Variants in CAMTA1 observed in about 807,000 individuals in gnomAD.
The protein encoded by CAMTA1 is calmodulin binding transcription activator 1.
A neutral mutation model predicts 170.9 loss-of-function variants in CAMTA1; 27 were observed. That is an observed-to-expected ratio of 0.16 (90% CI 0.12 to 0.22). The LOEUF is 0.22. Among genes scored for constraint, CAMTA1 ranks in the 10% least tolerant of loss-of-function variants. The pLI, the probability that CAMTA1 is intolerant of heterozygous loss-of-function variation, is 1.00. For missense variants in CAMTA1, 1,619 were observed against 2,217.2 expected, an observed-to-expected ratio of 0.73 and a Z score of 5.42; for synonymous variants, 833 against 891.5, an observed-to-expected ratio of 0.93 and a Z score of 1.17.
In CAMTA1 at chr1:7,449,084, C is replaced by T. The variant is rs114138089; in HGVS notation, c.439-18746C>T. On this transcript the variant is annotated intron_variant, in intron 5 of 22. Coordinates refer to ENST00000303635, the MANE Select transcript of CAMTA1 (RefSeq NM_015215.4). The stretch of plus-strand genomic sequence containing the variant: ...CTGGGCAGCTGCTGGGGGCCACTGC[C>T]GAGCAGGAAGGGTGGCTGGCGGTTT... Among the ~76,000 whole-genome samples the T allele has an allele frequency of 2.0e-4, 31 of 152,324 alleles. No homozygotes were observed. In the East Asian group the frequency reaches 2.7e-3, roughly 13 times the overall value.
At chr1:7,260,571 T>C (rs1010535943) in intron 5 of CAMTA1, among the ~76,000 whole-genome samples, 1 of 152,190 alleles carries the variant, frequency 6.6e-6, no homozygotes, top group African/African-American at 2.4e-5. Flanking sequence ...TGTTCTCCTG[T>C]CTAGTGGGGA....
rs2150129254 is a variant in CAMTA1 at position 7,544,662 on chromosome 1, T to C, written c.510+76761T>C. Among the ~76,000 whole-genome samples the C allele has an allele frequency of 1.3e-5, 2 of 152,228 alleles. 1 individual carries two copies. Among genetic ancestry groups the C allele is most frequent in the South Asian group, 4.1e-4 (2 of 4,822 alleles). On this transcript the variant is annotated intron_variant, in intron 6 of 22. Transcript: ENST00000303635. ...TAACATAACACCTGAGGCTGGGTAA[T>C]GTAGAAAGAAAAGGGGTTTACTTGG...
At chr1:7,525,420 A>G (rs1229282039) in intron 6 of CAMTA1, among the ~76,000 whole-genome samples, 3 of 152,002 alleles carry the variant, frequency 2.0e-5, no homozygotes, top group Non-Finnish European at 4.4e-5. Flanking sequence ...CATCCGCAGG[A>G]TGGTACGCTA....
chr1:6,835,182 G>A (rs1209942459), intron 3 of CAMTA1, among the ~76,000 whole-genome samples: 1 of 152,200 alleles, frequency 6.6e-6, no homozygotes, highest in African/African-American at 2.4e-5. Flanking sequence ...AACTTAATAT[G>A]CTATTTCCTG....
chr1:7,521,482 G>GTT (rs762746171), intron 6 of CAMTA1, among the ~76,000 whole-genome samples: 1 of 151,534 alleles, frequency 6.6e-6, no homozygotes, highest in African/African-American at 2.4e-5. Context: ...GTGTGTGTGT[G>GTT]TTTCATTCTC....
intron 1 of CAMTA1, among the ~76,000 whole-genome samples, chr1:6,786,206 C>G (rs955233808): frequency 2.0e-5 from 3 of 152,028 alleles, no homozygotes; most frequent in African/African-American, 7.2e-5. Flanking sequence ...GGACCCCGTC[C>G]TGCCGAGCGT....
At chr1:7,114,197 A>G (rs1644224764) in intron 4 of CAMTA1, among the ~76,000 whole-genome samples, 1 of 152,174 alleles carries the variant, frequency 6.6e-6, no homozygotes. Context: ...TGGGGGCCTC[A>G]GACACCCAGA....
At chr1:7,667,708 G>A (rs559329059) in intron 9 of CAMTA1, among the ~76,000 whole-genome samples, 20 of 152,300 alleles carry the variant, frequency 1.3e-4, no homozygotes, top group African/African-American at 4.6e-4. Flanking sequence ...TCAGCAGCTC[G>A]CCACACGAGG....
Position 7,499,474 on chromosome 1 carries a change from A to C in CAMTA1, c.510+31573A>C, listed in dbSNP as rs375066181. 4.2e-4 allele frequency among the ~76,000 whole-genome samples: 38 copies of C among 89,640 alleles called. 2 individuals are homozygous for C. Among genetic ancestry groups the C allele is most frequent in the Admixed American group, 1.7e-3 (14 of 8,300 alleles). The allele number at this position is 89,640 out of a possible 152,430, so 58.8% of individuals were successfully genotyped here. A position where few individuals can be genotyped will look rare whatever the true frequency, so the allele number is the denominator to read the frequency against. On this transcript the variant is annotated intron_variant, in intron 6 of 22. Transcript: ENST00000303635. The stretch of plus-strand genomic sequence containing the variant: ...TGAGTGTGTGTGTGTGCATGTGTGT[A>C]CATGAGTGTGTAGAGAGGATTGTGT...
At chr1:7,242,236 C>T (rs1478106513) in intron 4 of CAMTA1, among the ~76,000 whole-genome samples, 1 of 152,152 alleles carries the variant, frequency 6.6e-6, no homozygotes, top group Non-Finnish European at 1.5e-5. Flanking sequence ...ATTAAAACCA[C>T]AATACACTCA....
intron 4 of CAMTA1, among the ~76,000 whole-genome samples, chr1:7,228,672 G>A (rs746254487): frequency 2.6e-5 from 4 of 152,198 alleles, no homozygotes; most frequent in East Asian, 3.9e-4. Context: ...GCCTCGGACC[G>A]GGGATGGCGT....
rs985047322 is a variant in CAMTA1, at chr1:7,748,198, C to T, written c.4689+417C>T. 3.9e-5 allele frequency among the ~76,000 whole-genome samples: 6 copies of T among 151,964 alleles called. No homozygotes were observed. Among genetic ancestry groups the T allele is most frequent in the African/African-American group, 9.7e-5 (4 of 41,382 alleles). ...AAGTGCTGGGATTACAAGCATGAGC[C>T]GCAGCGCCCGGCCAGAGACTTAATT... On this transcript the variant is annotated intron_variant, in intron 19 of 22. Coordinates refer to ENST00000303635, the MANE Select transcript of CAMTA1 (RefSeq NM_015215.4). This position sits in a 1 kb window ranked among gnomAD's most constrained non-coding sequence, Gnocchi z 4.7.
chr1:7,542,367 C>T (rs934313762), intron 6 of CAMTA1, among the ~76,000 whole-genome samples: 3 of 151,632 alleles, frequency 2.0e-5, no homozygotes, highest in African/African-American at 7.3e-5. Context: ...GCTTTTTTTT[C>T]ACTTACCATT....
chr1:7,103,769 CA>C (rs1643141481), intron 4 of CAMTA1, among the ~76,000 whole-genome samples: 2 of 151,498 alleles, frequency 1.3e-5, no homozygotes, highest in Non-Finnish European at 2.9e-5. Context: ...CATGCACACA[CA>C]ACACACATAA....
intron 5 of CAMTA1, among the ~76,000 whole-genome samples, chr1:7,377,527 C>T (rs564524784): frequency 3.3e-4 from 51 of 152,272 alleles, no homozygotes; most frequent in African/African-American, 1.1e-3. Flanking sequence ...GTAAAAAGTC[C>T]GAGGTTTCGC....
At chr1:7,104,074 C>T (rs908928176) in intron 4 of CAMTA1, among the ~76,000 whole-genome samples, 3 of 151,290 alleles carry the variant, frequency 2.0e-5, no homozygotes, top group African/African-American at 4.9e-5. Context: ...ACACACTACA[C>T]AGATGTACAC....
chr1:7,050,631 G>C lies in CAMTA1; in HGVS notation c.235-40673G>C, dbSNP rs952843810. ...AGGCTATTTGAACATGTCTTTGTAG[G>C]TTTATCACCAAGGTAGAAGAGTTCA... On this transcript the variant is annotated intron_variant, in intron 3 of 22. Transcript: ENST00000303635. The surrounding 1 kb of genome is among the most constrained non-coding windows in gnomAD (Gnocchi z 4.8). 6.6e-6 allele frequency among the ~76,000 whole-genome samples: 1 copy of C among 151,238 alleles called. No individual in the cohort carries two copies. The highest frequency in any genetic ancestry group is 1.5e-5 in the Non-Finnish European group (1 of 67,842).
intron 5 of CAMTA1, among the ~76,000 whole-genome samples, chr1:7,295,689 G>C (rs1339525852): frequency 2.0e-5 from 3 of 152,164 alleles, no homozygotes; most frequent in African/African-American, 7.2e-5. Context: ...TTTGGTTCCT[G>C]AAGATTCAAA....
At chr1:6,951,641 C>T (rs1301037867) in intron 3 of CAMTA1, among the ~76,000 whole-genome samples, 1 of 152,208 alleles carries the variant, frequency 6.6e-6, no homozygotes, top group Non-Finnish European at 1.5e-5. Flanking sequence ...CTCCTGGGTT[C>T]CACGGGTGGG....
Sources: allele counts gnomAD v4.1 joint callset (sites outside exome capture counted in the v4.1 genomes callset), GRCh38; gene constraint gnomAD v4.1.1; non-coding constraint Gnocchi (gnomAD v3.1); transcripts MANE v1.5; gene names NCBI Gene and HGNC (gene_info 2026-07-23, HGNC 2026-07-21).